Variants in ZNF280C observed in about 807,000 individuals in gnomAD.
ZNF280C encodes zinc finger protein 280C.
ZNF280C carries 14 observed loss-of-function variants against 53.6 expected under a neutral mutation model. The observed-to-expected ratio is 0.26, with a 90% confidence interval of 0.17 to 0.41. ZNF280C has a LOEUF of 0.41. ZNF280C is among the 10% of genes least tolerant of loss of function. The pLI is 1.00. For missense variants in ZNF280C, 416 were observed against 547.1 expected (o/e 0.76, Z 2.39); for synonymous variants, 203 against 181.1 (o/e 1.12, Z -0.97).
chrX:130,254,291 A>G (rs1308859692), intron 2 of ZNF280C, among the ~76,000 whole-genome samples: 1 of 112,252 alleles, frequency 8.9e-6, no homozygotes, highest in Non-Finnish European at 1.9e-5. Context: ...AAAAAGGAAC[A>G]TTTATACACT....
At chrX:130,244,916 C>G (rs2032435168) in intron 3 of ZNF280C, among the ~76,000 whole-genome samples, 1 of 110,754 alleles carries the variant, frequency 9.0e-6, no homozygotes, top group Non-Finnish European at 1.9e-5. Flanking sequence ...TTACGGAAGT[C>G]TTCTAAAAGA....
Position 130,205,320 on chromosome X carries a change from G to A in ZNF280C, c.2138C>T (p.Thr713Ile). 1 of 1,202,321 alleles carries A rather than the reference G, an allele frequency of 8.3e-7. No individual in the cohort carries two copies. The highest frequency in any genetic ancestry group is 1.1e-6 in the Non-Finnish European group (1 of 889,097). Residue 713 changes from threonine (T) to isoleucine (I), a missense_variant, in exon 17 of 19, where the codon ACT becomes ATT. Around this residue, in one of 3 missense-constraint regions of ZNF280C, gnomAD observed 151 missense variants for 176.9 expected, o/e 0.85. Transcript: ENST00000370978. ...AKHLSQRKTH[T>I]CQVIIENVSK... ...ACCATTCTCTATTATAACTTGGCAA[G>A]TATGAGTTTTACGTTGACTTAAGTG... is the stretch of plus-strand genomic sequence containing the variant.
intron 5 of ZNF280C, among the ~76,000 whole-genome samples, chrX:130,240,257 A>C (rs1417048491): frequency 9.0e-6 from 1 of 111,627 alleles, no homozygotes; most frequent in African/African-American, 3.2e-5. Context: ...TTCAGTGAAA[A>C]ATGAGGAATA....
intron 1 of ZNF280C, among the ~76,000 whole-genome samples, chrX:130,262,551 T>G (rs1200086703): frequency 2.7e-5 from 3 of 112,006 alleles, no homozygotes; most frequent in African/African-American, 9.7e-5. Context: ...TATGGGGGAT[T>G]AAGTCAGCTG....
chrX:130,243,672 C>T lies in ZNF280C; in HGVS notation c.272G>A (p.Ser91Asn). 8.3e-7 allele frequency: 1 copy of T among 1,209,899 alleles called. No individual in the cohort carries two copies. Among genetic ancestry groups the T allele is most frequent in the Non-Finnish European group, 1.1e-6 (1 of 894,620 alleles). ...TGATGGTGGGTCTCTGCAGCGTTGA[C>T]TTGCAGTCCTGAATATTTCAGGAAT... ...PGIPEIFRTASQRCRDPPSNP... is the reference protein window; with the variant it reads ...PGIPEIFRTANQRCRDPPSNP... The change falls in exon 5 of 19, where the codon AGT becomes AAT. Residue 91 changes from serine to asparagine, a missense_variant. Ser to Asn is a conservative substitution (Grantham distance 46). Coordinates refer to ENST00000370978, the MANE Select transcript of ZNF280C (RefSeq NM_017666.5).
chrX:130,237,732 T>A (rs967855996), intron 6 of ZNF280C, among the ~76,000 whole-genome samples: 2 of 111,258 alleles, frequency 1.8e-5, no homozygotes, highest in African/African-American at 6.5e-5. Flanking sequence ...TAAAAATGAT[T>A]TTTTCCTTAA....
chrX:130,233,697 T>C (rs1393320942), intron 8 of ZNF280C, among the ~76,000 whole-genome samples: 9 of 101,012 alleles, frequency 8.9e-5, no homozygotes, highest in African/African-American at 3.3e-4. Context: ...AAGGTAATAA[T>C]AATAAAGAGG....
chrX:130,267,425 T>C (rs372145645), intron 1 of ZNF280C, among the ~76,000 whole-genome samples: 1 of 111,724 alleles, frequency 9.0e-6, no homozygotes, highest in Non-Finnish European at 1.9e-5. Context: ...AAATTGAACA[T>C]TGGATGAGGG....
In ZNF280C at chrX:130,215,896, C is replaced by T; in HGVS notation, c.1733G>A (p.Ser578Asn). The T allele has an allele frequency of 3.3e-6, 4 of 1,211,001 alleles. No homozygotes were observed. Among genetic ancestry groups the T allele is most frequent in the Non-Finnish European group, 4.5e-6 (4 of 895,031 alleles). ...TTSTASKVNT[S>N]KPRGRIAKSK... is the part of the protein sequence containing the mutation. ...CTTAGCTATACGTCCCCTTGGCTTA[C>T]TTGTATTAACTTTACTTGCAGTGGA... The change falls in exon 14 of 19, where the codon AGT (serine) becomes AAT (asparagine). Residue 578 changes from serine (S) to asparagine (N), a missense_variant. Coordinates refer to ENST00000370978, the MANE Select transcript of ZNF280C (RefSeq NM_017666.5).
rs1297053546 is a variant in ZNF280C at position 130,221,989 on chromosome X, C to T, written c.1396-1509G>A. ...TTTCATCTCCTACTACTTTTCCTCT[C>T]ACTTGTTTACTGTGCTCCAGCCACA... On this transcript the variant is annotated intron_variant, in intron 12 of 18. Transcript: ENST00000370978. Among the ~76,000 whole-genome samples, 7 of 111,188 alleles carry T rather than the reference C, an allele frequency of 6.3e-5. No individual in the cohort carries two copies. The East Asian group carries it at 2.0e-3, about 31-fold the overall frequency.
chrX:130,205,498 C>T (rs2031963225), intron 16 of ZNF280C, 83 bp from the exon 17 acceptor site: 1 of 643,034 alleles, frequency 1.6e-6, no homozygotes, highest in Non-Finnish European at 2.3e-6. Flanking sequence ...TTTCCATGTA[C>T]TAACTTGATT....
At chrX:130,250,409 G>A (rs1240880681) in intron 2 of ZNF280C, among the ~76,000 whole-genome samples, 1 of 111,180 alleles carries the variant, frequency 9.0e-6, no homozygotes, top group Non-Finnish European at 1.9e-5. Context: ...ACAGAAGAGA[G>A]AAGATCCAAA....
intron 17 of ZNF280C, 60 bp from the exon 18 acceptor site, chrX:130,205,213 T>A (rs371935688): frequency 1.4e-5 from 16 of 1,106,927 alleles, no homozygotes; most frequent in Admixed American, 9.5e-5. Context: ...ACTATCAATT[T>A]AATACATGGG....
At chrX:130,205,015 CTT>C (rs760997383) in intron 18 of ZNF280C, 23 bp from the exon 19 acceptor site, 5 of 815,024 alleles carry the variant, frequency 6.1e-6, no homozygotes, top group Non-Finnish European at 8.2e-6. Context: ...AAAAAAAAAA[CTT>C]TAATATTTTT....
At chrX:130,215,044 T>C (rs749840880) in intron 15 of ZNF280C, 149 bp downstream of exon 15, 3 of 434,501 alleles carry the variant, frequency 6.9e-6, no homozygotes, top group African/African-American at 2.6e-5. Flanking sequence ...TGCTGGAAAA[T>C]AGTACAAGGA....
In ZNF280C at chrX:130,248,307, A is replaced by G. The variant is rs191831952; in HGVS notation, c.32-1302T>C. Among the ~76,000 whole-genome samples the G allele has an allele frequency of 9.9e-4, 107 of 107,801 alleles. 1 individual carries two copies. Among genetic ancestry groups the G allele is most frequent in the Admixed American group, 3.5e-3 (35 of 9,930 alleles). 93.6% of individuals were successfully genotyped at this position (107,801 alleles called of 115,157 possible). ...CACCTGGATTGGTTCCTGGCCCCCA[A>G]TGACTACGGGGGAATGGGTGAGTTG... On this transcript the variant is annotated intron_variant, in intron 2 of 18. Transcript: ENST00000370978.
intron 9 of ZNF280C, among the ~76,000 whole-genome samples, chrX:130,229,911 C>T (rs2032259815): frequency 1.8e-5 from 2 of 112,079 alleles, no homozygotes. Context: ...TCAATGTAAA[C>T]AACAGTTTTA....
chrX:130,233,668 A>G (rs1307436018), intron 8 of ZNF280C, among the ~76,000 whole-genome samples: 4 of 108,689 alleles, frequency 3.7e-5, no homozygotes, highest in African/African-American at 1.0e-4. Flanking sequence ...TAGATTTTCT[A>G]TTGTGTTCAT....
intron 13 of ZNF280C, 138 bp downstream of exon 13, chrX:130,220,211 A>G (rs1009748260): frequency 6.1e-6 from 3 of 491,678 alleles, no homozygotes; most frequent in Non-Finnish European, 6.0e-6. Context: ...GAAATACACA[A>G]TAAATTATTG....
Sources: gnomAD v4.1 joint callset for allele counts (sites outside exome capture counted in the v4.1 genomes callset) on GRCh38, gnomAD v4.1.1 for gene constraint, gnomAD v4.1.1 regional missense constraint, MANE v1.5 for transcripts, NCBI Gene and HGNC (gene_info 2026-07-23, HGNC 2026-07-21) for gene names.